DNM3: variants seen among roughly 807,000 people sequenced by gnomAD.
DNM3 encodes dynamin 3, also known as dynamin-3.
DNM3 carries 47 observed loss-of-function variants against 101.6 expected under a neutral mutation model. The observed-to-expected ratio is 0.46, with a 90% confidence interval of 0.37 to 0.59. The LOEUF (loss-of-function observed/expected upper bound fraction) is 0.59, where lower values mean the gene tolerates loss of function less well. DNM3 is among the 20% of genes least tolerant of loss of function. The probability of loss-of-function intolerance (pLI) is 0.00; values close to 1 mark genes in which losing one functional copy is unlikely to be tolerated. For missense variants in DNM3, 849 were observed against 1,085.7 expected (o/e 0.78, Z 3.06); for synonymous variants, 385 against 387.9 (o/e 0.99, Z 0.09).
intron 15 of DNM3, among the ~76,000 whole-genome samples, chr1:172,299,022 G>A (rs1441573375): frequency 6.6e-6 from 1 of 152,182 alleles, no homozygotes; most frequent in Non-Finnish European, 1.5e-5. Flanking sequence ...GAGCTGGCCT[G>A]GTAGGACTGT....
chr1:172,294,675 G>A (rs2064071467), intron 15 of DNM3, among the ~76,000 whole-genome samples: 1 of 152,136 alleles, frequency 6.6e-6, no homozygotes, highest in African/African-American at 2.4e-5. Context: ...CACTTTGGAA[G>A]GCCAACACAG....
intron 1 of DNM3, 57 bp downstream of exon 1, chr1:171,841,874 C>A: frequency 6.4e-7 from 1 of 1,554,386 alleles, no homozygotes. Context: ...CGCTGCGGGC[C>A]GTTGGAACGT....
intron 10 of DNM3, among the ~76,000 whole-genome samples, chr1:172,064,222 ATCT>A (rs1203196436): frequency 6.6e-6 from 1 of 152,230 alleles, no homozygotes. Context: ...GCCTAAAGAC[ATCT>A]TCTAGATCAA....
chr1:172,345,430 CT>C (rs2066883062), intron 17 of DNM3, among the ~76,000 whole-genome samples: 1 of 152,176 alleles, frequency 6.6e-6, no homozygotes, highest in South Asian at 2.1e-4. Flanking sequence ...GAACTACTCC[CT>C]TCTCTCCTTA....
At chr1:172,168,326 G>A (rs2058827923) in intron 14 of DNM3, among the ~76,000 whole-genome samples, 1 of 151,828 alleles carries the variant, frequency 6.6e-6, no homozygotes, top group Non-Finnish European at 1.5e-5. Flanking sequence ...CTCACTATGG[G>A]CTATCATTTC....
At chr1:172,167,889 A>G (rs2058808073) in intron 14 of DNM3, among the ~76,000 whole-genome samples, 1 of 152,018 alleles carries the variant, frequency 6.6e-6, no homozygotes, top group South Asian at 2.1e-4. Context: ...GAGTTGTTAA[A>G]CTGTGTCTTG....
chr1:172,031,907 C>G (rs1027076958), intron 4 of DNM3, among the ~76,000 whole-genome samples: 3 of 152,036 alleles, frequency 2.0e-5, no homozygotes, highest in Non-Finnish European at 4.4e-5. Context: ...GGCACTTTAC[C>G]TGCTTTTCTT....
intron 17 of DNM3, among the ~76,000 whole-genome samples, chr1:172,365,042 G>A (rs752532860): frequency 1.3e-5 from 2 of 151,794 alleles, no homozygotes; most frequent in African/African-American, 2.4e-5. Context: ...ACACAAGAAT[G>A]AACTAATACA....
At chr1:172,184,705 A>C (rs2059462667) in intron 14 of DNM3, among the ~76,000 whole-genome samples, 1 of 152,160 alleles carries the variant, frequency 6.6e-6, no homozygotes, top group Non-Finnish European at 1.5e-5. Flanking sequence ...AAATCATCTT[A>C]GAGTTTATTA....
At chr1:171,926,455 C>A (rs1193681908) in intron 2 of DNM3, among the ~76,000 whole-genome samples, 1 of 152,192 alleles carries the variant, frequency 6.6e-6, no homozygotes, top group Non-Finnish European at 1.5e-5. Flanking sequence ...CTAGTCCCAG[C>A]ACAATTTGTT....
rs7525629 is a variant in DNM3, at chr1:172,236,276, A to G, written c.1660-17297A>G. 4.6e-5 allele frequency among the ~76,000 whole-genome samples: 7 copies of G among 152,246 alleles called. No individual in the cohort carries two copies. In the South Asian group the frequency reaches 8.3e-4, roughly 18 times the overall value. The stretch of plus-strand genomic sequence containing the variant: ...AGTGTTCTTTTAAATAAGACGTGCC[A>G]TGTCTCATGTCAAGGAAAACTTCCT... On this transcript the variant is annotated intron_variant, in intron 14 of 20. Transcript: ENST00000627582.
chr1:172,223,810 A>T (rs2061002094), intron 14 of DNM3, among the ~76,000 whole-genome samples: 1 of 152,138 alleles, frequency 6.6e-6, no homozygotes, highest in South Asian at 2.1e-4. Flanking sequence ...ACTTCTGGCC[A>T]TTCTGTAAGT....
intron 18 of DNM3, among the ~76,000 whole-genome samples, chr1:172,381,270 T>C (rs2068888156): frequency 6.6e-6 from 1 of 152,024 alleles, no homozygotes; most frequent in South Asian, 2.1e-4. Context: ...AGACTTCAAT[T>C]AAGATCTGAT....
Position 172,038,457 on chromosome 1 carries a change from C to T in DNM3, c.988C>T (p.Leu330=), listed in dbSNP as rs2049126777. The change falls in exon 7 of 21, where the codon CTG becomes TTG. Residue 330 remains leucine, a synonymous_variant. Coordinates refer to ENST00000627582, the MANE Select transcript of DNM3 (RefSeq NM_015569.5). ...EDPTRKTKAL[L]QMVQQFAVDF... is the part of the protein sequence containing the mutation. The stretch of plus-strand genomic sequence containing the variant: ...CCCAACAAGGAAGACCAAAGCATTG[C>T]TGCAGTAGGTCACCTTTCCCTTCCT... The T allele has an allele frequency of 1.2e-6, 2 of 1,612,366 alleles. No homozygotes were observed. The highest frequency in any genetic ancestry group is 2.2e-5 in the South Asian group (2 of 90,774).
chr1:172,167,286 A>G (rs1186761854), intron 14 of DNM3, among the ~76,000 whole-genome samples: 2 of 152,086 alleles, frequency 1.3e-5, no homozygotes, highest in South Asian at 4.1e-4. Context: ...TCCATGGTGT[A>G]TATGTGCCAC....
At chr1:172,324,327 T>G (rs879428974) in intron 17 of DNM3, among the ~76,000 whole-genome samples, 2 of 152,210 alleles carry the variant, frequency 1.3e-5, no homozygotes, top group Admixed American at 1.3e-4. Context: ...AAATTTCTGT[T>G]CATAAGCCAT....
intron 15 of DNM3, among the ~76,000 whole-genome samples, chr1:172,286,242 T>A (rs567945506): frequency 5.3e-4 from 81 of 152,234 alleles, no homozygotes; most frequent in African/African-American, 1.9e-3. Flanking sequence ...CAATGGCCTC[T>A]CTCTCTATTT....
chr1:172,093,819 T>G, intron 13 of DNM3: 8 of 1,220,820 alleles, frequency 6.6e-6, no homozygotes, highest in Non-Finnish European at 8.0e-6. Flanking sequence ...AACTAGCGCT[T>G]GCTACTAATT....
chr1:172,085,182 G>T (rs1476053323), intron 12 of DNM3, among the ~76,000 whole-genome samples: 9 of 151,594 alleles, frequency 5.9e-5, no homozygotes, highest in African/African-American at 2.2e-4. Flanking sequence ...TGAAAGTTCA[G>T]CATTTCAGAA....
Sources: gnomAD v4.1 joint callset for allele counts (sites outside exome capture counted in the v4.1 genomes callset) on GRCh38, gnomAD v4.1.1 for gene constraint, MANE v1.5 for transcripts, NCBI Gene and HGNC (gene_info 2026-07-23, HGNC 2026-07-21) for gene names.